GALNT18: variants seen among roughly 807,000 people sequenced by gnomAD.
GALNT18 encodes the protein polypeptide N-acetylgalactosaminyltransferase 18.
A neutral mutation model predicts 69.5 loss-of-function variants in GALNT18; 44 were observed. The observed-to-expected ratio is 0.63, with a 90% CI of 0.50 to 0.81. The LOEUF is 0.81. Among genes scored for constraint, GALNT18 ranks in the 40% least tolerant of loss-of-function variants. The probability of loss-of-function intolerance (pLI) is 0.00; values close to 1 mark genes in which losing one functional copy is unlikely to be tolerated. For missense variants in GALNT18, 715 were observed against 810.0 expected, an observed-to-expected ratio of 0.88 and a Z score of 1.42; for synonymous variants, 364 against 318.2, an observed-to-expected ratio of 1.14 and a Z score of -1.53.
intron 2 of GALNT18, among the ~76,000 whole-genome samples, chr11:11,446,169 C>T (rs1368588306): frequency 6.6e-6 from 1 of 152,200 alleles, no homozygotes; most frequent in Admixed American, 6.5e-5. Context: ...TCTTCAGTTT[C>T]CTCAACTCAA....
chr11:11,357,006 G>C (rs1005558505), intron 6 of GALNT18, among the ~76,000 whole-genome samples: 1 of 152,094 alleles, frequency 6.6e-6, no homozygotes, highest in Non-Finnish European at 1.5e-5. Flanking sequence ...CAATAGCCAC[G>C]GAGCTTCCTG....
rs1331090236 is a variant in GALNT18 at position 11,432,642 on chromosome 11, C to T, written c.574G>A (p.Val192Met). 1 of 1,609,982 alleles carries T rather than the reference C, an allele frequency of 6.2e-7. No individual in the cohort carries two copies. Among genetic ancestry groups the T allele is most frequent in the Non-Finnish European group, 8.5e-7 (1 of 1,178,130 alleles). Residue 192 changes from valine (V) to methionine (M), a missense_variant, in exon 3 of 11, where the codon GTG (valine) becomes ATG (methionine). Val to Met is a conservative substitution (Grantham distance 21). Transcript: ENST00000227756. The surrounding 1 kb of genome is among the most constrained non-coding windows in gnomAD (Gnocchi z 5.8). ...TCACCGTTACTGCTGTTGTCATCCACCAGAATGATCTCCTTGAGCAGATGT... is the reference window on the plus strand; with the variant it reads ...TCACCGTTACTGCTGTTGTCATCCATCAGAATGATCTCCTTGAGCAGATGT... ...PPHLLKEIIL[V>M]DDNSSNEELK...
intron 6 of GALNT18, among the ~76,000 whole-genome samples, chr11:11,364,701 T>A (rs1850721701): frequency 6.6e-6 from 1 of 152,334 alleles, no homozygotes; most frequent in South Asian, 2.1e-4. Flanking sequence ...TACTAGAATA[T>A]TTGACAGTAT....
intron 1 of GALNT18, among the ~76,000 whole-genome samples, chr11:11,579,852 G>T (rs1407996308): frequency 1.3e-5 from 2 of 152,146 alleles, no homozygotes; most frequent in East Asian, 3.9e-4. Context: ...GGGAGCAGGG[G>T]TTGTGAAGAA....
At position 11,368,627 on chromosome 11, in the gene GALNT18, T is replaced by C. The variant is rs1487132; in HGVS notation, c.1092+3888A>G. Among the ~76,000 whole-genome samples the C allele has an allele frequency of 2.0e-5, 3 of 152,346 alleles. No homozygotes were observed. In the South Asian group the frequency reaches 6.2e-4, roughly 32 times the overall value. On this transcript the variant is annotated intron_variant, in intron 6 of 10. Transcript: ENST00000227756. ...TCCTTTAATAATGTTCATGTAGCCG[T>C]TCTGCCCATCTGTTGAGCTTTTGTC...
chr11:11,353,322 C>T, intron 6 of GALNT18: 1 of 642,406 alleles, frequency 1.6e-6, no homozygotes, highest in Admixed American at 3.0e-5. Flanking sequence ...TTTCTAAAAT[C>T]CAAATAAAAA....
chr11:11,374,992 T>G (rs72853188), intron 5 of GALNT18, among the ~76,000 whole-genome samples: 9,819 of 152,340 alleles, frequency 0.064, 450 homozygotes, highest in Middle Eastern at 0.23. Flanking sequence ...GGATAGCAAG[T>G]CTTTCTTTGA....
rs992213902 is a variant in GALNT18, at chr11:11,590,454, A to T, written c.235+30905T>A. ...GTTAAAGCCACTGGTTTGGAAGTTG[A>T]CATTAAAATTAACTTTCCTTACTCT... is the stretch of plus-strand genomic sequence containing the variant. On this transcript the variant is annotated intron_variant, in intron 1 of 10. Coordinates refer to ENST00000227756, the MANE Select transcript of GALNT18 (RefSeq NM_198516.3). The surrounding 1 kb of genome is among the most constrained non-coding windows in gnomAD (Gnocchi z 4.4). 1.3e-5 allele frequency among the ~76,000 whole-genome samples: 2 copies of T among 152,230 alleles called. No homozygotes were observed. Among genetic ancestry groups the T allele is most frequent in the Non-Finnish European group, 2.9e-5 (2 of 68,040 alleles).
Position 11,586,460 on chromosome 11 carries a change from C to T in GALNT18, c.235+34899G>A, listed in dbSNP as rs1158395259. On this transcript the variant is annotated intron_variant, in intron 1 of 10. Transcript: ENST00000227756. This position sits in a 1 kb window ranked among gnomAD's most constrained non-coding sequence, Gnocchi z 4.1. ...TGAAAACTTCTGGCTTAAACTATAG[C>T]TAAAAGATAGGAAATTCTACCTGTT... Among the ~76,000 whole-genome samples, 1 of 152,096 alleles carries T rather than the reference C, an allele frequency of 6.6e-6. No homozygotes were observed. The highest frequency in any genetic ancestry group is 1.5e-5 in the Non-Finnish European group (1 of 68,036).
intron 6 of GALNT18, among the ~76,000 whole-genome samples, chr11:11,344,306 C>A (rs1341222628): frequency 6.6e-6 from 1 of 152,186 alleles, no homozygotes; most frequent in Non-Finnish European, 1.5e-5. Context: ...ACGTACCCAA[C>A]CCTGCCTGCC....
chr11:11,519,198 G>C (rs1000270911), intron 1 of GALNT18, among the ~76,000 whole-genome samples: 2 of 151,586 alleles, frequency 1.3e-5, no homozygotes, highest in African/African-American at 4.9e-5. Flanking sequence ...GTGTGGATCT[G>C]TCAGGGCCCC....
intron 9 of GALNT18, among the ~76,000 whole-genome samples, chr11:11,300,779 G>T (rs779947003): frequency 7.9e-5 from 12 of 152,184 alleles, no homozygotes; most frequent in Non-Finnish European, 1.3e-4. Context: ...CACCTTGGCT[G>T]CAGAGCAGAA....
At position 11,404,756 on chromosome 11, in the gene GALNT18, G is replaced by A. The variant is rs192832540; in HGVS notation, c.596-25492C>T. Among the ~76,000 whole-genome samples the A allele has an allele frequency of 3.3e-4, 50 of 151,946 alleles. No homozygotes were observed. The highest frequency in any genetic ancestry group is 6.3e-4 in the Non-Finnish European group (43 of 67,976). On this transcript the variant is annotated intron_variant, in intron 3 of 10. Transcript: ENST00000227756. This position sits in a 1 kb window ranked among gnomAD's most constrained non-coding sequence, Gnocchi z 4.5. ...TCCTTTTGACCTCAACCTTCCTCCC[G>A]GCTCCAGCCCCGCACAGACCCTGAC...
chr11:11,294,627 A>G (rs1189368132), intron 9 of GALNT18, among the ~76,000 whole-genome samples: 1 of 148,882 alleles, frequency 6.7e-6, no homozygotes, highest in African/African-American at 2.5e-5. Flanking sequence ...AAAAAAAAAC[A>G]TAAACAAATG....
At chr11:11,360,859 A>C (rs1439730764) in intron 6 of GALNT18, among the ~76,000 whole-genome samples, 2 of 152,166 alleles carry the variant, frequency 1.3e-5, no homozygotes, top group Non-Finnish European at 2.9e-5. Context: ...AATTGTTTGC[A>C]TTTTTTGATT....
intron 9 of GALNT18, among the ~76,000 whole-genome samples, chr11:11,301,532 A>G (rs1054766215): frequency 6.6e-6 from 1 of 152,240 alleles, no homozygotes; most frequent in Non-Finnish European, 1.5e-5. Flanking sequence ...AGGAATGGGA[A>G]GCATTTATAA....
rs12222956 is a variant in GALNT18 at position 11,614,827 on chromosome 11, G to T, written c.235+6532C>A. Among the ~76,000 whole-genome samples, 23,556 of 152,056 alleles carry T rather than the reference G, an allele frequency of 0.15. 2,325 individuals carry two copies. Among genetic ancestry groups the T allele is most frequent in the Non-Finnish European group, 0.22 (14,857 of 67,922 alleles). On this transcript the variant is annotated intron_variant, in intron 1 of 10. Transcript: ENST00000227756. The surrounding 1 kb of genome is among the most constrained non-coding windows in gnomAD (Gnocchi z 5.6). ...TTCTCCACCAACCTACTTATCAAGG[G>T]AAAATAACAATTTATGTCAAGTGAG...
At position 11,337,608 on chromosome 11, in the gene GALNT18, C is replaced by T. The variant is rs4910322; in HGVS notation, c.1278+3211G>A. Among the ~76,000 whole-genome samples the T allele has an allele frequency of 0.91, 138,328 of 152,124 alleles. 63,328 individuals carry two copies. Among genetic ancestry groups the T allele is most frequent in the East Asian group, 1 (5,134 of 5,154 alleles). On this transcript the variant is annotated intron_variant, in intron 7 of 10. Coordinates refer to ENST00000227756, the MANE Select transcript of GALNT18 (RefSeq NM_198516.3). This position sits in a 1 kb window ranked among gnomAD's most constrained non-coding sequence, Gnocchi z 4.9. ...GAGATATTTAGGAGGGGGAGCTCTT[C>T]CCCCAGTTGGAGCTGGCTTTCTAGA...
At chr11:11,549,877 G>A (rs1044447728) in intron 1 of GALNT18, among the ~76,000 whole-genome samples, 1 of 152,188 alleles carries the variant, frequency 6.6e-6, no homozygotes, top group Non-Finnish European at 1.5e-5. Flanking sequence ...GGTGGAGGAG[G>A]GGAGGAAGTC....
Sources: gnomAD v4.1 joint callset for allele counts (sites outside exome capture counted in the v4.1 genomes callset) on GRCh38, gnomAD v4.1.1 for gene constraint, Gnocchi (gnomAD v3.1) non-coding constraint, MANE v1.5 for transcripts, NCBI Gene and HGNC (gene_info 2026-07-23, HGNC 2026-07-21) for gene names.